The following TMEFF2 variants were observed in gnomAD, a reference collection of about 807,000 sequenced individuals.
The protein encoded by TMEFF2 is tomoregulin-2.
TMEFF2 carries 28 observed loss-of-function variants against 53.8 expected under a neutral mutation model. The ratio of observed to expected loss-of-function variants is 0.52; its 90% CI spans 0.39 to 0.71. TMEFF2 has a LOEUF of 0.71. Among genes scored for constraint, TMEFF2 ranks in the 30% least tolerant of loss-of-function variants. The pLI is 0.00. For synonymous variants in TMEFF2, 162 were observed against 166.3 expected (o/e 0.97, Z 0.20); for missense variants, 353 against 455.2 (o/e 0.78, Z 2.04).
intron 5 of TMEFF2, among the ~76,000 whole-genome samples, chr2:192,037,329 GAA>G (rs1055515674): frequency 1.4e-5 from 2 of 145,878 alleles, no homozygotes; most frequent in Non-Finnish European, 3.0e-5. Context: ...AAGAAAGAAA[GAA>G]AGAAAAACAG....
chr2:191,959,993 C>G (rs1692226420), intron 7 of TMEFF2, among the ~76,000 whole-genome samples: 2 of 152,148 alleles, frequency 1.3e-5, no homozygotes, highest in Non-Finnish European at 1.5e-5. Context: ...TCTCGTGTCT[C>G]TGCCTCCCTC....
chr2:192,082,912 TTTCC>T (rs1474116653), intron 4 of TMEFF2, among the ~76,000 whole-genome samples: 17 of 152,176 alleles, frequency 1.1e-4, no homozygotes, highest in Admixed American at 2.6e-4. Context: ...ATCAGTTAAG[TTTCC>T]TGCGTTTGGA....
chr2:192,090,442 C>A (rs1380677364), intron 4 of TMEFF2, among the ~76,000 whole-genome samples: 1 of 152,088 alleles, frequency 6.6e-6, no homozygotes, highest in Non-Finnish European at 1.5e-5. Context: ...AGTTAAATAT[C>A]ATCACAGTCA....
chr2:192,013,600 C>T (rs1267005970), intron 5 of TMEFF2, among the ~76,000 whole-genome samples: 4 of 152,116 alleles, frequency 2.6e-5, no homozygotes, highest in African/African-American at 9.7e-5. Context: ...CAGGCGCCCA[C>T]CACCATGCCC....
At chr2:192,072,495 C>A (rs1420075807) in intron 4 of TMEFF2, among the ~76,000 whole-genome samples, 1 of 151,874 alleles carries the variant, frequency 6.6e-6, no homozygotes, top group African/African-American at 2.4e-5. Flanking sequence ...CAAATTCATA[C>A]CCACACAACA....
At chr2:192,114,467 GA>G (rs112084685) in intron 4 of TMEFF2, among the ~76,000 whole-genome samples, 8 of 149,340 alleles carry the variant, frequency 5.4e-5, no homozygotes, top group African/African-American at 2.0e-4. Context: ...CCAAGGAAAA[GA>G]AAAAAAAAGG....
intron 4 of TMEFF2, among the ~76,000 whole-genome samples, chr2:192,148,357 G>A (rs1002708728): frequency 6.6e-6 from 1 of 151,952 alleles, no homozygotes; most frequent in Admixed American, 6.6e-5. Context: ...GAAAGGCAAG[G>A]TTTTCAGATA....
chr2:192,097,242 C>T (rs1016606628), intron 4 of TMEFF2, among the ~76,000 whole-genome samples: 5 of 152,188 alleles, frequency 3.3e-5, no homozygotes, highest in South Asian at 4.1e-4. Flanking sequence ...GTGCACAGCA[C>T]GTTTTGCAAA....
At chr2:192,089,300 T>A (rs1420956977) in intron 4 of TMEFF2, among the ~76,000 whole-genome samples, 7 of 152,080 alleles carry the variant, frequency 4.6e-5, no homozygotes, top group South Asian at 2.1e-4. Context: ...AGTTATTTGA[T>A]AGAAGAATTA....
At chr2:192,181,189 G>A (rs1341798520) in intron 3 of TMEFF2, among the ~76,000 whole-genome samples, 1 of 151,578 alleles carries the variant, frequency 6.6e-6, no homozygotes, top group Non-Finnish European at 1.5e-5. Flanking sequence ...CATCTCTTTT[G>A]GACAGAACAG....
chr2:192,101,756 T>C (rs185628942), intron 4 of TMEFF2, among the ~76,000 whole-genome samples: 18 of 152,322 alleles, frequency 1.2e-4, no homozygotes, highest in African/African-American at 4.1e-4. Flanking sequence ...AAATGCAGAC[T>C]GTCTTCTCGC....
At position 191,985,383 on chromosome 2, in the gene TMEFF2, T is replaced by C. The variant is rs1382144909; in HGVS notation, c.745+12879A>G. Among the ~76,000 whole-genome samples the C allele has an allele frequency of 2.6e-5, 4 of 152,304 alleles. No individual in the cohort carries two copies. The East Asian group carries it at 5.8e-4, about 22-fold the overall frequency. ...CACATATGGAATAACATTCACAAAA[T>C]AGGTTATAAATAATTGTATATTATT... On this transcript the variant is annotated intron_variant, in intron 7 of 9. Transcript: ENST00000272771.
intron 9 of TMEFF2, among the ~76,000 whole-genome samples, chr2:191,951,852 A>G (rs979277029): frequency 1.1e-4 from 17 of 152,054 alleles, no homozygotes; most frequent in African/African-American, 2.9e-4. Context: ...TCAAAAGCCA[A>G]TAAATTGAGG....
Position 192,194,270 on chromosome 2 carries a change from C to A in TMEFF2, c.172+83G>T, listed in dbSNP as rs1208376896. 3 of 1,530,424 alleles carry A rather than the reference C, an allele frequency of 2.0e-6. No homozygotes were observed. The highest frequency in any genetic ancestry group is 2.7e-6 in the Non-Finnish European group (3 of 1,120,762). 94.8% of individuals were successfully genotyped at this position (1,530,424 alleles called of 1,614,324 possible). A position where few individuals can be genotyped will look rare whatever the true frequency, so the allele number is the denominator to read the frequency against. ...AGTAGGAGGTGAGGGGCTGAGGAGG[C>A]GCGCTAGGGTAGGCTGGTCTGTGCT... On this transcript the variant is annotated intron_variant, in intron 1 of 9. Transcript: ENST00000272771. The surrounding 1 kb of genome is among the most constrained non-coding windows in gnomAD (Gnocchi z 4.2).
intron 7 of TMEFF2, among the ~76,000 whole-genome samples, chr2:191,963,911 C>T (rs1190990258): frequency 1.3e-5 from 2 of 152,144 alleles, no homozygotes; most frequent in Non-Finnish European, 2.9e-5. Flanking sequence ...CTTAGTATAG[C>T]CTTTCAAGGT....
Position 192,164,784 on chromosome 2 carries a change from G to A in TMEFF2, c.439+14884C>T, listed in dbSNP as rs552285643. On this transcript the variant is annotated intron_variant, in intron 4 of 9. Coordinates refer to ENST00000272771, the MANE Select transcript of TMEFF2 (RefSeq NM_016192.4). ...AATGTTTTTGCTTATTTATTTGCATGGTTCATGTCTGTTTTTTCTCTTCTG... is the reference window on the plus strand; with the variant it reads ...AATGTTTTTGCTTATTTATTTGCATAGTTCATGTCTGTTTTTTCTCTTCTG... Among the ~76,000 whole-genome samples the A allele has an allele frequency of 9.9e-5, 15 of 151,638 alleles. No homozygotes were observed. The South Asian group carries it at 2.9e-3, about 29-fold the overall frequency.
At chr2:191,998,734 A>C (rs1464074512) in intron 6 of TMEFF2, among the ~76,000 whole-genome samples, 3 of 152,016 alleles carry the variant, frequency 2.0e-5, no homozygotes, top group African/African-American at 4.8e-5. Flanking sequence ...ATGTCTAATA[A>C]ATTCTTAGAT....
intron 4 of TMEFF2, among the ~76,000 whole-genome samples, chr2:192,075,070 C>T (rs1688376791): frequency 6.6e-6 from 1 of 151,270 alleles, no homozygotes; most frequent in African/African-American, 2.4e-5. Context: ...ATTCTCTAAA[C>T]ATCTTAATGA....
In TMEFF2 at chr2:192,138,640, GA is replaced by G. The variant is rs544295409; in HGVS notation, c.439+41027del. 4.4e-3 allele frequency among the ~76,000 whole-genome samples: 672 copies of G among 152,328 alleles called. 3 individuals are homozygous for G. The highest frequency in any genetic ancestry group is 6.4e-3 in the Non-Finnish European group (433 of 68,028). Reference sequence around the variant, plus strand: ...AACTCGACAACTCCTTCTCCTAATAGAAAGCATTTGAAATTATTGTGCTATC... The same window carrying G: ...AACTCGACAACTCCTTCTCCTAATAGAAGCATTTGAAATTATTGTGCTATC... On this transcript the variant is annotated intron_variant, in intron 4 of 9. Coordinates refer to ENST00000272771, the MANE Select transcript of TMEFF2 (RefSeq NM_016192.4).
Sources: allele counts gnomAD v4.1 joint callset (sites outside exome capture counted in the v4.1 genomes callset), GRCh38; gene constraint gnomAD v4.1.1; non-coding constraint Gnocchi (gnomAD v3.1); transcripts MANE v1.5; gene names NCBI Gene and HGNC (gene_info 2026-07-23, HGNC 2026-07-21).